ITGA9: variants seen among roughly 807,000 people sequenced by gnomAD.
ITGA9 encodes the protein integrin subunit alpha 9.
ITGA9 carries 56 observed loss-of-function variants against 127.8 expected under a neutral mutation model. That is an observed-to-expected ratio of 0.44 (90% CI 0.35 to 0.55). The LOEUF (loss-of-function observed/expected upper bound fraction) is 0.55, where lower values mean the gene tolerates loss of function less well. Among genes scored for constraint, ITGA9 ranks in the 20% least tolerant of loss-of-function variants. The pLI, the probability that ITGA9 is intolerant of heterozygous loss-of-function variation, is 0.00. For missense variants in ITGA9, 1,196 were observed against 1,347.1 expected, an observed-to-expected ratio of 0.89 and a Z score of 1.76; for synonymous variants, 508 against 514.5, an observed-to-expected ratio of 0.99 and a Z score of 0.17.
rs543297344 is a variant in ITGA9 at position 37,518,771 on chromosome 3, C to CTTTTTTTTTTTTTTTTT, written c.1142-474_1142-458dup. Among the ~76,000 whole-genome samples, 7 of 43,516 alleles carry CTTTTTTTTTTTTTTTTT rather than the reference C, an allele frequency of 1.6e-4. 1 individual carries two copies. Among genetic ancestry groups the CTTTTTTTTTTTTTTTTT allele is most frequent in the South Asian group, 9.2e-4 (1 of 1,090 alleles). 28.5% of individuals were successfully genotyped at this position (43,516 alleles called of 152,430 possible). On this transcript the variant is annotated intron_variant, in intron 10 of 27. Transcript: ENST00000264741. Reference sequence around the variant, plus strand: ...GTCAGCTTCTATAGTTTTCACTGTACTTTTTTTTTTTTTTTTTTTTTTTTT... The same window carrying CTTTTTTTTTTTTTTTTT: ...GTCAGCTTCTATAGTTTTCACTGTACTTTTTTTTTTTTTTTTTTTTTTTTTTTTTTTTTTTTTTTTTT...
At chr3:37,751,258 A>G (rs904002600) in intron 23 of ITGA9, among the ~76,000 whole-genome samples, 2 of 152,198 alleles carry the variant, frequency 1.3e-5, no homozygotes, top group African/African-American at 4.8e-5. Flanking sequence ...TTCCAGTTCC[A>G]TGGCATCCCC....
intron 12 of ITGA9, among the ~76,000 whole-genome samples, chr3:37,524,930 A>G (rs923356127): frequency 6.6e-5 from 10 of 152,252 alleles, no homozygotes; most frequent in African/African-American, 2.2e-4. Context: ...AAATTTAAAG[A>G]CTATTGAAGA....
At chr3:37,574,498 C>G (rs1278085549) in intron 15 of ITGA9, among the ~76,000 whole-genome samples, 1 of 152,102 alleles carries the variant, frequency 6.6e-6, no homozygotes, top group Non-Finnish European at 1.5e-5. Flanking sequence ...GGTCTTGCAG[C>G]CAAGGATTGT....
intron 21 of ITGA9, 114 bp downstream of exon 21, chr3:37,741,933 C>T (rs1696442625): frequency 3.8e-6 from 3 of 784,610 alleles, no homozygotes; most frequent in Non-Finnish European, 6.7e-6. Context: ...GCCACCTCCA[C>T]TTCCTCCCAG....
chr3:37,785,230 A>G (rs1405353137), intron 26 of ITGA9, 152 bp downstream of exon 26: 5 of 691,598 alleles, frequency 7.2e-6, no homozygotes, highest in African/African-American at 3.5e-5. Context: ...CTTGGCTTCC[A>G]GGCCCCCCCT....
At chr3:37,648,533 A>G (rs1700400851) in intron 16 of ITGA9, among the ~76,000 whole-genome samples, 1 of 152,072 alleles carries the variant, frequency 6.6e-6, no homozygotes, top group Admixed American at 6.5e-5. Flanking sequence ...AGGCTGAGGT[A>G]GGAGGATCGC....
chr3:37,453,631 T>TA (rs1197604478), intron 1 of ITGA9, among the ~76,000 whole-genome samples: 1 of 152,158 alleles, frequency 6.6e-6, no homozygotes, highest in Non-Finnish European at 1.5e-5. Flanking sequence ...TTTTATTGTG[T>TA]ATTCACCAGC....
chr3:37,585,170 C>T (rs1318119755), intron 15 of ITGA9, among the ~76,000 whole-genome samples: 1 of 152,184 alleles, frequency 6.6e-6, no homozygotes, highest in Admixed American at 6.5e-5. Flanking sequence ...CTCTTTTAAA[C>T]TGACCCCCCT....
At chr3:37,505,954 C>T (rs1231308800) in intron 6 of ITGA9, 46 bp from the exon 7 acceptor site, 1 of 1,327,442 alleles carries the variant, frequency 7.5e-7, no homozygotes, top group Non-Finnish European at 1.1e-6. Context: ...TTTTTCCCTT[C>T]CCTTCTTTTT....
intron 14 of ITGA9, among the ~76,000 whole-genome samples, chr3:37,541,650 G>A (rs1699271287): frequency 1.3e-5 from 2 of 152,124 alleles, no homozygotes; most frequent in Non-Finnish European, 1.5e-5. Context: ...TTCTTTGCAG[G>A]AGAGGACCTC....
At chr3:37,694,844 G>C (rs887727686) in intron 18 of ITGA9, among the ~76,000 whole-genome samples, 4 of 152,166 alleles carry the variant, frequency 2.6e-5, no homozygotes, top group Non-Finnish European at 5.9e-5. Flanking sequence ...ACTAAGCTAA[G>C]GCGAATAAAA....
chr3:37,659,837 A>G (rs532174246), intron 17 of ITGA9, among the ~76,000 whole-genome samples: 35 of 152,018 alleles, frequency 2.3e-4, no homozygotes, highest in African/African-American at 8.4e-4. Context: ...TTTGGTCTTT[A>G]TGTTGGTGAC....
intron 15 of ITGA9, among the ~76,000 whole-genome samples, chr3:37,607,202 A>G (rs1699977131): frequency 1.3e-5 from 2 of 151,986 alleles, no homozygotes; most frequent in African/African-American, 2.4e-5. Context: ...CCATTTCCTT[A>G]GGAACATGAG....
At chr3:37,585,759 A>G (rs924506167) in intron 15 of ITGA9, 5 of 387,600 alleles carry the variant, frequency 1.3e-5, no homozygotes, top group South Asian at 5.8e-5. Context: ...GACTCCATAG[A>G]GCAGTGTATT....
chr3:37,736,200 G>A (rs1397937338), intron 19 of ITGA9, among the ~76,000 whole-genome samples: 3 of 152,100 alleles, frequency 2.0e-5, no homozygotes, highest in Non-Finnish European at 4.4e-5. Flanking sequence ...TCACATAGGG[G>A]GGTTAGGCCT....
In ITGA9 at chr3:37,811,404, G is replaced by A. The variant is rs1382282008; in HGVS notation, c.3009+7462G>A. Among the ~76,000 whole-genome samples, 3 of 152,320 alleles carry A rather than the reference G, an allele frequency of 2.0e-5. No individual in the cohort carries two copies. In the East Asian group the frequency reaches 5.8e-4, roughly 29 times the overall value. On this transcript the variant is annotated intron_variant, in intron 27 of 27. Coordinates refer to ENST00000264741, the MANE Select transcript of ITGA9 (RefSeq NM_002207.3). ...TGCAGGAGGGATAACAACTTTGTGT[G>A]TGACTGGCACCTTTAAGAAATACCT... is the stretch of plus-strand genomic sequence containing the variant.
At chr3:37,720,849 C>T (rs188960766) in intron 18 of ITGA9, among the ~76,000 whole-genome samples, 12 of 152,240 alleles carry the variant, frequency 7.9e-5, no homozygotes, top group Admixed American at 4.6e-4. Context: ...GTTGATTCAC[C>T]GCACTACAGA....
At chr3:37,717,429 C>A (rs1006626962) in intron 18 of ITGA9, among the ~76,000 whole-genome samples, 1 of 152,152 alleles carries the variant, frequency 6.6e-6, no homozygotes, top group Non-Finnish European at 1.5e-5. Context: ...TAACGAACTA[C>A]CCGAGACTGG....
rs756042349 is a variant in ITGA9, at chr3:37,526,043, T to G, written c.1345T>G (p.Phe449Val). Residue 449 changes from phenylalanine to valine, a missense_variant, in exon 13 of 28, where the codon TTC becomes GTC. Phe to Val is a conservative substitution (Grantham distance 50, BLOSUM62 -1). Coordinates refer to ENST00000264741, the MANE Select transcript of ITGA9 (RefSeq NM_002207.3). ...NGYPDVTVGA[F>V]MSDSVVLLRA... ...ATTTTCAGATGTCACTGTTGGAGCC[T>G]TCATGTCCGACAGCGTGGTTCTTCT... 1 of 1,614,068 alleles carries G rather than the reference T, an allele frequency of 6.2e-7. No individual in the cohort carries two copies. Among genetic ancestry groups the G allele is most frequent in the Admixed American group, 1.7e-5 (1 of 60,028 alleles).
Sources: allele counts gnomAD v4.1 joint callset (sites outside exome capture counted in the v4.1 genomes callset), GRCh38; gene constraint gnomAD v4.1.1; transcripts MANE v1.5; gene names NCBI Gene and HGNC (gene_info 2026-07-23, HGNC 2026-07-21).